CNTN4: variants seen among roughly 807,000 people sequenced by gnomAD.
The protein encoded by CNTN4 is contactin-4.
In CNTN4, 77 loss-of-function variants were observed where a neutral mutation model predicts 122.5. The observed-to-expected ratio is 0.63, with a 90% CI of 0.52 to 0.76. CNTN4 has a LOEUF of 0.76. Ranked by LOEUF, CNTN4 falls within the 30% of genes least tolerant of loss-of-function variation. The probability of loss-of-function intolerance (pLI) is 0.00; values close to 1 mark genes in which losing one functional copy is unlikely to be tolerated. For missense variants in CNTN4, 1,256 were observed against 1,259.1 expected (o/e 1.00, Z 0.04); for synonymous variants, 512 against 447.0 (o/e 1.15, Z -1.83).
At chr3:2,811,688 G>T (rs1234339896) in intron 6 of CNTN4, among the ~76,000 whole-genome samples, 3 of 150,012 alleles carry the variant, frequency 2.0e-5, no homozygotes, top group Non-Finnish European at 4.4e-5. Context: ...GTTTTTAGAC[G>T]GAGTCTTGCT....
rs146636788 is a variant in CNTN4, at chr3:2,965,589, G to T, written c.1359-22756G>T. ...GCAGGAACTTTTCTGCCTGGTTTCCGCTGGCTTCTTCTTATATCTAAATTG... is the reference window on the plus strand; with the variant it reads ...GCAGGAACTTTTCTGCCTGGTTTCCTCTGGCTTCTTCTTATATCTAAATTG... On this transcript the variant is annotated intron_variant, in intron 13 of 24. Coordinates refer to ENST00000418658, the MANE Select transcript of CNTN4 (RefSeq NM_175607.3). 6.6e-5 allele frequency among the ~76,000 whole-genome samples: 10 copies of T among 152,254 alleles called. No individual in the cohort carries two copies. The East Asian group carries it at 1.2e-3, about 18-fold the overall frequency.
chr3:2,964,276 A>G (rs1344111090), intron 13 of CNTN4, among the ~76,000 whole-genome samples: 1 of 152,196 alleles, frequency 6.6e-6, no homozygotes, highest in Non-Finnish European at 1.5e-5. Flanking sequence ...TTTAGCCACC[A>G]CTGAGACTAG....
chr3:2,408,501 T>C (rs576627927), intron 3 of CNTN4, among the ~76,000 whole-genome samples: 13 of 152,334 alleles, frequency 8.5e-5, no homozygotes, highest in African/African-American at 2.9e-4. Context: ...GAGTCACTCA[T>C]AGAAATACAG....
At chr3:2,395,045 C>G (rs1183990270) in intron 3 of CNTN4, among the ~76,000 whole-genome samples, 1 of 152,042 alleles carries the variant, frequency 6.6e-6, no homozygotes, top group Non-Finnish European at 1.5e-5. Context: ...CCTTGGCCTC[C>G]CAAAGTGCTG....
intron 6 of CNTN4, among the ~76,000 whole-genome samples, chr3:2,782,367 G>A (rs2091629996): frequency 6.6e-6 from 1 of 151,894 alleles, no homozygotes. Flanking sequence ...CTTTCAGTCT[G>A]CCTTCCATGA....
At position 2,361,880 on chromosome 3, in the gene CNTN4, C is replaced by G. The variant is rs138667854; in HGVS notation, c.-89+22647C>G. Among the ~76,000 whole-genome samples, 392 of 152,158 alleles carry G rather than the reference C, an allele frequency of 2.6e-3. 2 individuals are homozygous for G. The highest frequency in any genetic ancestry group is 9.0e-3 in the African/African-American group (375 of 41,518). On this transcript the variant is annotated intron_variant, in intron 3 of 24. Coordinates refer to ENST00000418658, the MANE Select transcript of CNTN4 (RefSeq NM_175607.3). ...CTCTCTAATTCCACAGGATCTGAGACAGATGTGAAACAAATAATTACTTAA... is the reference window on the plus strand; with the variant it reads ...CTCTCTAATTCCACAGGATCTGAGAGAGATGTGAAACAAATAATTACTTAA...
In CNTN4 at chr3:2,651,708, CTTTTTTT is replaced by C. The variant is rs528994352; in HGVS notation, c.55+80156_55+80162del. On this transcript the variant is annotated intron_variant, in intron 4 of 24. Coordinates refer to ENST00000418658, the MANE Select transcript of CNTN4 (RefSeq NM_175607.3). ...CTCTACAATTTTTTTTCTTTTTTTT[CTTTTTTT>C]TTTTTGAGACGGAGTCTCACTCTGT... Among the ~76,000 whole-genome samples the C allele has an allele frequency of 7.2e-4, 103 of 143,052 alleles. 1 individual carries two copies. The highest frequency in any genetic ancestry group is 2.7e-3 in the Admixed American group (38 of 14,318). 93.8% of individuals were successfully genotyped at this position (143,052 alleles called of 152,430 possible).
At chr3:2,490,905 C>T (rs921875879) in intron 3 of CNTN4, among the ~76,000 whole-genome samples, 4 of 152,180 alleles carry the variant, frequency 2.6e-5, no homozygotes, top group South Asian at 4.1e-4. Flanking sequence ...CTATGTTTAG[C>T]GACCAAGATG....
chr3:2,918,751 G>A (rs971610172), intron 12 of CNTN4, among the ~76,000 whole-genome samples: 1 of 152,166 alleles, frequency 6.6e-6, no homozygotes, highest in Admixed American at 6.5e-5. Flanking sequence ...AGCCCATGTG[G>A]TATTTCTTGG....
chr3:2,303,737 C>G (rs1456060013), intron 2 of CNTN4, among the ~76,000 whole-genome samples: 3 of 152,142 alleles, frequency 2.0e-5, no homozygotes, highest in African/African-American at 7.2e-5. Context: ...AGTTCTCTTT[C>G]AGCACTACCG....
At chr3:2,713,287 C>A (rs1448451450) in intron 4 of CNTN4, among the ~76,000 whole-genome samples, 1 of 152,186 alleles carries the variant, frequency 6.6e-6, no homozygotes, top group Non-Finnish European at 1.5e-5. Context: ...CCCACGCACA[C>A]ACATTTGGTC....
Position 2,414,085 on chromosome 3 carries a change from T to A in CNTN4, c.-89+74852T>A, listed in dbSNP as rs1420706658. ...GACAGTGCCTCCAGCATACGAATGA[T>A]ATAGGTAGAGATATGGCTGCAAAAT... On this transcript the variant is annotated intron_variant, in intron 3 of 24. Transcript: ENST00000418658. 2.6e-5 allele frequency among the ~76,000 whole-genome samples: 4 copies of A among 152,118 alleles called. No individual in the cohort carries two copies. In the East Asian group the frequency reaches 7.7e-4, roughly 29 times the overall value.
intron 3 of CNTN4, among the ~76,000 whole-genome samples, chr3:2,373,761 A>G (rs1226758901): frequency 6.6e-6 from 1 of 152,220 alleles, no homozygotes; most frequent in Admixed American, 6.5e-5. Context: ...TACTGTGCAG[A>G]TACAGTATGT....
intron 3 of CNTN4, among the ~76,000 whole-genome samples, chr3:2,433,124 A>T (rs1413668974): frequency 1.3e-5 from 2 of 152,144 alleles, no homozygotes; most frequent in Admixed American, 1.3e-4. Context: ...GCCCAGCAAA[A>T]CACACTAATT....
In CNTN4 at chr3:3,056,253, T is replaced by A. The variant is rs1404213824; in HGVS notation, c.*33T>A. 6.7e-7 allele frequency: 1 copy of A among 1,492,468 alleles called. No individual in the cohort carries two copies. The highest frequency in any genetic ancestry group is 2.3e-5 in the East Asian group (1 of 44,282). The allele number at this position is 1,492,468 out of a possible 1,614,324, so 92.5% of individuals were successfully genotyped here. A position where few individuals can be genotyped will look rare whatever the true frequency, so the allele number is the denominator to read the frequency against. On this transcript the variant is annotated 3_prime_UTR_variant, in exon 25 of 25. Coordinates refer to ENST00000418658, the MANE Select transcript of CNTN4 (RefSeq NM_175607.3). ...TATCTGAAGGACTTGCTGTTTATAATATAAGCAACATTTAGCTAGTTGTTT... is the reference window on the plus strand; with the variant it reads ...TATCTGAAGGACTTGCTGTTTATAAAATAAGCAACATTTAGCTAGTTGTTT...
chr3:2,588,446 A>C (rs1469017610), intron 4 of CNTN4, among the ~76,000 whole-genome samples: 1 of 150,552 alleles, frequency 6.6e-6, no homozygotes, highest in Non-Finnish European at 1.5e-5. Flanking sequence ...GGCTCACTGC[A>C]ACCTCTGCCT....
chr3:2,131,787 T>C (rs1336983164), intron 2 of CNTN4, among the ~76,000 whole-genome samples: 3 of 152,202 alleles, frequency 2.0e-5, no homozygotes, highest in African/African-American at 7.2e-5. Context: ...ACTTATCATC[T>C]TGAATACTCA....
intron 2 of CNTN4, among the ~76,000 whole-genome samples, chr3:2,251,748 A>G (rs1020087594): frequency 6.6e-6 from 1 of 151,832 alleles, no homozygotes; most frequent in African/African-American, 2.4e-5. Context: ...AATTCACAAT[A>G]CATTATGTAG....
chr3:2,903,079 C>G (rs2094192657), intron 12 of CNTN4, 74 bp downstream of exon 12: 2 of 1,455,252 alleles, frequency 1.4e-6, no homozygotes, highest in South Asian at 2.4e-5. Context: ...CTTTGCCAAG[C>G]ATAAATGTTC....
Sources: allele counts gnomAD v4.1 joint callset (sites outside exome capture counted in the v4.1 genomes callset), GRCh38; gene constraint gnomAD v4.1.1; transcripts MANE v1.5; gene names NCBI Gene and HGNC (gene_info 2026-07-23, HGNC 2026-07-21).